Variants in PON3 observed in about 807,000 individuals in gnomAD.
PON3 encodes the protein paraoxonase 3, also known as serum paraoxonase/lactonase 3.
PON3 carries 37 observed loss-of-function variants against 36.3 expected under a neutral mutation model. That is an observed-to-expected ratio of 1.02 (90% CI 0.78 to 1.34). PON3 has a LOEUF of 1.34. PON3 is among the 40% of genes most tolerant of loss of function. The pLI, the probability that PON3 is intolerant of heterozygous loss-of-function variation, is 0.00. For synonymous variants in PON3, 155 were observed against 154.8 expected, an observed-to-expected ratio of 1.00 and a Z score of -0.01; for missense variants, 415 against 426.5, an observed-to-expected ratio of 0.97 and a Z score of 0.24.
chr7:95,369,978 T>C (rs1176192327), intron 4 of PON3, among the ~76,000 whole-genome samples: 3 of 152,068 alleles, frequency 2.0e-5, no homozygotes, highest in Admixed American at 6.6e-5. Context: ...ACAGCAGATG[T>C]AAAGATCCTG....
At chr7:95,374,839 T>C (rs1808879834) in intron 3 of PON3, among the ~76,000 whole-genome samples, 1 of 152,208 alleles carries the variant, frequency 6.6e-6, no homozygotes, top group Admixed American at 6.5e-5. Flanking sequence ...CTCCTCTTCC[T>C]GACTCTTGGA....
At chr7:95,362,637 C>T in intron 7 of PON3, 123 bp downstream of exon 7, 1 of 1,377,756 alleles carries the variant, frequency 7.3e-7, no homozygotes, top group Non-Finnish European at 1.0e-6. Flanking sequence ...GAAACGCATG[C>T]ATAATCTCAC....
At chr7:95,372,938 C>T (rs1452996922) in intron 3 of PON3, among the ~76,000 whole-genome samples, 1 of 152,158 alleles carries the variant, frequency 6.6e-6, no homozygotes, top group Non-Finnish European at 1.5e-5. Flanking sequence ...ATGCTTTACT[C>T]AAACATCACA....
rs17883823 is a variant in PON3 at position 95,389,637 on chromosome 7, T to C, written c.201+517A>G. On this transcript the variant is annotated intron_variant, in intron 3 of 8. Coordinates refer to ENST00000265627, the MANE Select transcript of PON3 (RefSeq NM_000940.3). ...CTGGGAATTAAAATGCAGTCTGTTCTCTATTTCTCTTTGAAAGACTTGTTA... is the reference window on the plus strand; with the variant it reads ...CTGGGAATTAAAATGCAGTCTGTTCCCTATTTCTCTTTGAAAGACTTGTTA... 7.3e-3 allele frequency among the ~76,000 whole-genome samples: 1,118 copies of C among 152,300 alleles called. 10 individuals are homozygous for C. The highest frequency in any genetic ancestry group is 0.025 in the African/African-American group (1,054 of 41,572).
intron 3 of PON3, among the ~76,000 whole-genome samples, chr7:95,381,721 C>A (rs112786725): frequency 0.028 from 4,239 of 152,220 alleles, 112 homozygotes; most frequent in African/African-American, 0.068. Flanking sequence ...TAGAGACCTA[C>A]AAAGAGACTT....
intron 3 of PON3, among the ~76,000 whole-genome samples, chr7:95,382,338 G>A (rs1361963118): frequency 6.6e-6 from 1 of 152,054 alleles, no homozygotes; most frequent in Non-Finnish European, 1.5e-5. Flanking sequence ...CAGAAGACAA[G>A]AAATAACTAA....
At chr7:95,395,323 A>G (rs1214610081) in intron 1 of PON3, among the ~76,000 whole-genome samples, 1 of 152,204 alleles carries the variant, frequency 6.6e-6, no homozygotes, top group Non-Finnish European at 1.5e-5. Flanking sequence ...CATTCTTCTA[A>G]TATCAGGGAT....
chr7:95,364,232 C>A, intron 5 of PON3, 169 bp from the exon 6 acceptor site: 2 of 625,422 alleles, frequency 3.2e-6, no homozygotes, highest in Non-Finnish European at 5.7e-6. Flanking sequence ...TTCTGCATTG[C>A]CCTGATGGGT....
chr7:95,384,098 T>C (rs1201245631), intron 3 of PON3, among the ~76,000 whole-genome samples: 1 of 152,068 alleles, frequency 6.6e-6, no homozygotes, highest in Non-Finnish European at 1.5e-5. Flanking sequence ...AAACAAGAAA[T>C]GGGGAAAGGA....
chr7:95,390,560 T>C (rs942905616), intron 2 of PON3, among the ~76,000 whole-genome samples: 5 of 152,220 alleles, frequency 3.3e-5, no homozygotes, highest in African/African-American at 4.8e-5. Context: ...GGCTGCTCTA[T>C]AGACTCAGTG....
chr7:95,367,536 A>G (rs776187751), intron 4 of PON3, 48 bp from the exon 5 acceptor site: 1 of 1,596,798 alleles, frequency 6.3e-7, no homozygotes, highest in Non-Finnish European at 8.6e-7. Flanking sequence ...CCCTATCACA[A>G]CTAATATTAG....
chr7:95,378,837 T>C (rs1808978594), intron 3 of PON3, among the ~76,000 whole-genome samples: 1 of 152,180 alleles, frequency 6.6e-6, no homozygotes, highest in Non-Finnish European at 1.5e-5. Flanking sequence ...ATGAAGAAAC[T>C]GCATCAATTA....
At chr7:95,379,117 T>C (rs941992071) in intron 3 of PON3, among the ~76,000 whole-genome samples, 1 of 148,532 alleles carries the variant, frequency 6.7e-6, no homozygotes, top group African/African-American at 2.5e-5. Flanking sequence ...TAGTCTCTGA[T>C]AAAACAGATT....
intron 2 of PON3, among the ~76,000 whole-genome samples, chr7:95,393,447 T>A (rs1809363210): frequency 6.6e-6 from 1 of 152,182 alleles, no homozygotes; most frequent in Admixed American, 6.5e-5. Context: ...TAAGCAAAGG[T>A]GAGAAGGTGA....
chr7:95,388,905 C>G (rs781446203), intron 3 of PON3, among the ~76,000 whole-genome samples: 1 of 152,046 alleles, frequency 6.6e-6, no homozygotes, highest in African/African-American at 2.4e-5. Context: ...CACATAAACA[C>G]AGGGCAGGGA....
intron 3 of PON3, among the ~76,000 whole-genome samples, chr7:95,385,199 G>T (rs966051394): frequency 2.6e-5 from 4 of 152,046 alleles, no homozygotes; most frequent in African/African-American, 9.7e-5. Flanking sequence ...ACTGGGGCCT[G>T]TTGTGGGGTA....
chr7:95,395,892 C>T (rs1809418499), intron 1 of PON3: 1 of 322,632 alleles, frequency 3.1e-6, no homozygotes, highest in Non-Finnish European at 6.1e-6. Flanking sequence ...CGTAAACATC[C>T]AACTGGTAGC....
chr7:95,396,233 GGAGA>G, intron 1 of PON3, 40 bp downstream of exon 1: 1 of 1,600,446 alleles, frequency 6.2e-7, no homozygotes, highest in Non-Finnish European at 8.6e-7. Context: ...ACTTGGAAGA[GGAGA>G]GAAAGAGAGT....
At chr7:95,363,721 T>G in intron 6 of PON3, 142 bp downstream of exon 6, 1 of 828,090 alleles carries the variant, frequency 1.2e-6, no homozygotes, top group Non-Finnish European at 2.0e-6. Context: ...ATGACAGATT[T>G]AGTGTGAACC....
Sources: allele counts gnomAD v4.1 joint callset (sites outside exome capture counted in the v4.1 genomes callset), GRCh38; gene constraint gnomAD v4.1.1; transcripts MANE v1.5; gene names NCBI Gene and HGNC (gene_info 2026-07-23, HGNC 2026-07-21).